The following TOLLIP variants were observed in gnomAD, a reference collection of about 807,000 sequenced individuals.
The protein encoded by TOLLIP is toll-interacting protein.
In TOLLIP, 16 loss-of-function variants were observed where a neutral mutation model predicts 33.5. The ratio of observed to expected loss-of-function variants is 0.48; its 90% confidence interval spans 0.32 to 0.72. The LOEUF (loss-of-function observed/expected upper bound fraction) is 0.72. TOLLIP is among the 30% of genes least tolerant of loss of function. The probability of loss-of-function intolerance (pLI) is 0.03; values close to 1 mark genes in which losing one functional copy is unlikely to be tolerated. For synonymous variants in TOLLIP, 176 were observed against 163.7 expected (o/e 1.07, Z -0.57); for missense variants, 325 against 396.6 (o/e 0.82, Z 1.53).
At chr11:1,283,814 GCCCGGC>G (rs1418439027) in intron 5 of TOLLIP, among the ~76,000 whole-genome samples, 7 of 152,158 alleles carry the variant, frequency 4.6e-5, no homozygotes, top group Non-Finnish European at 1.0e-4. Context: ...GCCACAGAGC[GCCCGGC>G]CCAGAAGTTG....
Position 1,309,520 on chromosome 11 carries a change from G to A in TOLLIP, c.-22C>T. 3 of 1,291,846 alleles carry A rather than the reference G, an allele frequency of 2.3e-6. No individual in the cohort carries two copies. Among genetic ancestry groups the A allele is most frequent in the South Asian group, 4.1e-5 (2 of 49,278 alleles). 80.0% of individuals were successfully genotyped at this position (1,291,846 alleles called of 1,614,324 possible). A position where few individuals can be genotyped will look rare whatever the true frequency, so the allele number is the denominator to read the frequency against. ...CCATGGTGCTGCGGCGGCCCCCGTG[G>A]CTCGCCGACCCGACAGTGACGCGCC... is the stretch of plus-strand genomic sequence containing the variant. On this transcript the variant is annotated 5_prime_UTR_variant, in exon 1 of 6. Transcript: ENST00000317204.
At chr11:1,302,951 C>T (rs1272337817) in intron 1 of TOLLIP, among the ~76,000 whole-genome samples, 2 of 152,188 alleles carry the variant, frequency 1.3e-5, no homozygotes, top group East Asian at 1.9e-4. Context: ...TTCCTATCAC[C>T]CCCTCCCCTC....
At chr11:1,286,832 TGTC>T (rs1485683760) in intron 4 of TOLLIP, among the ~76,000 whole-genome samples, 6 of 151,988 alleles carry the variant, frequency 3.9e-5, no homozygotes, top group African/African-American at 1.2e-4. Context: ...ACTGCACTGC[TGTC>T]GTCTCTGAGT....
rs974226457 is a variant in TOLLIP at position 1,277,854 on chromosome 11, C to T, written c.611-601G>A. On this transcript the variant is annotated intron_variant, in intron 5 of 5. Transcript: ENST00000317204. The surrounding 1 kb of genome is among the most constrained non-coding windows in gnomAD (Gnocchi z 4.2). ...TGCAGCCGATGCCCAGAATGACAAC[C>T]CCACACACACATACAAACTACACCA... Among the ~76,000 whole-genome samples the T allele has an allele frequency of 6.6e-6, 1 of 152,178 alleles. No individual in the cohort carries two copies. The highest frequency in any genetic ancestry group is 6.5e-5 in the Admixed American group (1 of 15,282).
At chr11:1,293,695 C>T (rs936276260) in intron 2 of TOLLIP, among the ~76,000 whole-genome samples, 10 of 152,254 alleles carry the variant, frequency 6.6e-5, no homozygotes, top group Non-Finnish European at 1.3e-4. Context: ...GGGCCAGAGG[C>T]GTGGGCAACG....
intron 5 of TOLLIP, chr11:1,283,326 G>T: frequency 2.9e-6 from 1 of 339,662 alleles, no homozygotes; most frequent in South Asian, 2.2e-5. Flanking sequence ...GGGAGGCAAG[G>T]CCATGGAGGG....
intron 5 of TOLLIP, among the ~76,000 whole-genome samples, chr11:1,282,221 G>A (rs1179103558): frequency 6.6e-6 from 1 of 152,210 alleles, no homozygotes; most frequent in Non-Finnish European, 1.5e-5. Flanking sequence ...GCCCAGAGAA[G>A]GATCAGAGGA....
At chr11:1,281,804 A>G (rs1863508720) in intron 5 of TOLLIP, among the ~76,000 whole-genome samples, 1 of 152,262 alleles carries the variant, frequency 6.6e-6, no homozygotes, top group South Asian at 2.1e-4. Flanking sequence ...TGTGGGCGAC[A>G]CACATGCTCT....
rs1791384860 is a variant in TOLLIP, at chr11:1,303,166, G to A, written c.33+6300C>T. On this transcript the variant is annotated intron_variant, in intron 1 of 5. Coordinates refer to ENST00000317204, the MANE Select transcript of TOLLIP (RefSeq NM_019009.4). This position sits in a 1 kb window ranked among gnomAD's most constrained non-coding sequence, Gnocchi z 4.2. ...ATGAGAATAAGCATAGATTATAAAA[G>A]CTGACTACAGAACAAGCGACTTTAA... Among the ~76,000 whole-genome samples the A allele has an allele frequency of 6.6e-6, 1 of 152,200 alleles. No homozygotes were observed. Among genetic ancestry groups the A allele is most frequent in the Admixed American group, 6.5e-5 (1 of 15,286 alleles).
chr11:1,277,132 C>T lies in TOLLIP; in HGVS notation c.732G>A (p.Met244Ile). ...GCACGGAGCGGATCACCTCCTGGTC[C>T]ATGTTGGGGAACATGTCCTGGATGG... ...LKAIQDMFPN[M>I]DQEVIRSVLE... is the part of the protein sequence containing the mutation. The change falls in exon 6 of 6, where the codon ATG (methionine) becomes ATA (isoleucine). Residue 244 changes from methionine (M) to isoleucine (I), a missense_variant. Transcript: ENST00000317204. This position sits in a 1 kb window ranked among gnomAD's most constrained non-coding sequence, Gnocchi z 4.2. The T allele has an allele frequency of 1.2e-6, 2 of 1,614,060 alleles. No individual in the cohort carries two copies. The highest frequency in any genetic ancestry group is 1.7e-6 in the Non-Finnish European group (2 of 1,179,946).
At chr11:1,280,887 G>A (rs1299312617) in intron 5 of TOLLIP, among the ~76,000 whole-genome samples, 1 of 152,212 alleles carries the variant, frequency 6.6e-6, no homozygotes, top group Admixed American at 6.5e-5. Flanking sequence ...GACAGCTGAA[G>A]GGACAGTGCA....
chr11:1,282,987 T>G (rs1189210091), intron 5 of TOLLIP, among the ~76,000 whole-genome samples: 1 of 152,216 alleles, frequency 6.6e-6, no homozygotes, highest in Non-Finnish European at 1.5e-5. Flanking sequence ...TCCACATTGC[T>G]GGGGAAGTCG....
chr11:1,304,555 G>A (rs992681867), intron 1 of TOLLIP, among the ~76,000 whole-genome samples: 5 of 152,234 alleles, frequency 3.3e-5, no homozygotes, highest in Admixed American at 6.5e-5. Context: ...CGGGGCGGCC[G>A]AGGTCTCCGC....
In TOLLIP at chr11:1,309,610, C is replaced by A. The variant is rs1177525010; in HGVS notation, c.-112G>T. The A allele has an allele frequency of 2.4e-6, 1 of 418,506 alleles. No homozygotes were observed. Among genetic ancestry groups the A allele is most frequent in the Non-Finnish European group, 3.9e-6 (1 of 257,778 alleles). 25.9% of individuals were successfully genotyped at this position (418,506 alleles called of 1,614,324 possible). ...ACAGTTGTCACCTCGAGGCCGCCGCCGCCACAGTCAGCTGACAGCCGCCGC... is the reference window on the plus strand; with the variant it reads ...ACAGTTGTCACCTCGAGGCCGCCGCAGCCACAGTCAGCTGACAGCCGCCGC... On this transcript the variant is annotated 5_prime_UTR_variant, in exon 1 of 6. Transcript: ENST00000317204.
At chr11:1,280,950 G>A (rs995249334) in intron 5 of TOLLIP, among the ~76,000 whole-genome samples, 3 of 152,228 alleles carry the variant, frequency 2.0e-5, no homozygotes, top group African/African-American at 4.8e-5. Context: ...CACGAAGAAC[G>A]CACGGGAAAT....
rs2133876080 is a variant in TOLLIP at position 1,278,313 on chromosome 11, T to C, written c.611-1060A>G. On this transcript the variant is annotated intron_variant, in intron 5 of 5. Transcript: ENST00000317204. This position sits in a 1 kb window ranked among gnomAD's most constrained non-coding sequence, Gnocchi z 4.7. Reference sequence around the variant, plus strand: ...CAAGGGTTCACTGCTCACCCGTTCATTCACCTTTAAAAGCACGAACCATCT... The same window carrying C: ...CAAGGGTTCACTGCTCACCCGTTCACTCACCTTTAAAAGCACGAACCATCT... Among the ~76,000 whole-genome samples, 1 of 152,254 alleles carries C rather than the reference T, an allele frequency of 6.6e-6. No individual in the cohort carries two copies. Among genetic ancestry groups the C allele is most frequent in the South Asian group, 2.1e-4 (1 of 4,816 alleles).
chr11:1,308,939 AC>A (rs201394513), intron 1 of TOLLIP, among the ~76,000 whole-genome samples: 16 of 81,240 alleles, frequency 2.0e-4, no homozygotes, highest in Middle Eastern at 0.01. Flanking sequence ...AGGGTGCGGG[AC>A]CCGCCTCCAC....
At chr11:1,282,811 A>G (rs977425781) in intron 5 of TOLLIP, among the ~76,000 whole-genome samples, 1 of 149,220 alleles carries the variant, frequency 6.7e-6, no homozygotes, top group African/African-American at 2.5e-5. Flanking sequence ...ATAAAATAGG[A>G]AATTGTTTAG....
At chr11:1,286,735 G>A (rs902223625) in intron 4 of TOLLIP, among the ~76,000 whole-genome samples, 2 of 150,714 alleles carry the variant, frequency 1.3e-5, no homozygotes, top group African/African-American at 4.9e-5. Context: ...CTGCACTGCT[G>A]TCTCCTGAGT....
Sources: gnomAD v4.1 joint callset for allele counts (sites outside exome capture counted in the v4.1 genomes callset) on GRCh38, gnomAD v4.1.1 for gene constraint, Gnocchi (gnomAD v3.1) non-coding constraint, MANE v1.5 for transcripts, NCBI Gene and HGNC (gene_info 2026-07-23, HGNC 2026-07-21) for gene names.